Variants in CACNA2D3 observed in about 807,000 individuals in gnomAD.
CACNA2D3 encodes the protein voltage-dependent calcium channel subunit alpha-2/delta-3.
A neutral mutation model predicts 160.6 loss-of-function variants in CACNA2D3; 60 were observed. The ratio of observed to expected loss-of-function variants is 0.37; its 90% CI spans 0.30 to 0.46. The LOEUF (loss-of-function observed/expected upper bound fraction) is 0.46, where lower values mean the gene tolerates loss of function less well. CACNA2D3 is among the 20% of genes least tolerant of loss of function. The pLI is 1.00. For synonymous variants in CACNA2D3, 558 were observed against 492.9 expected, an observed-to-expected ratio of 1.13 and a Z score of -1.75; for missense variants, 1,205 against 1,365.0, an observed-to-expected ratio of 0.88 and a Z score of 1.85.
chr3:54,175,021 C>T (rs1700649452), intron 2 of CACNA2D3, among the ~76,000 whole-genome samples: 1 of 152,122 alleles, frequency 6.6e-6, no homozygotes, highest in South Asian at 2.1e-4. Context: ...GAGGCACGGC[C>T]AGCTCCATCT....
At chr3:54,564,053 G>T (rs1022289489) in intron 6 of CACNA2D3, among the ~76,000 whole-genome samples, 1 of 152,214 alleles carries the variant, frequency 6.6e-6, no homozygotes, top group Admixed American at 6.5e-5. Flanking sequence ...CCAAATTGCA[G>T]TCTGCCTTGA....
At chr3:54,758,238 A>G (rs1287547902) in intron 12 of CACNA2D3, among the ~76,000 whole-genome samples, 1 of 152,168 alleles carries the variant, frequency 6.6e-6, no homozygotes, top group Non-Finnish European at 1.5e-5. Flanking sequence ...CAGCATTCCT[A>G]TTTCCCCAGT....
At chr3:54,840,178 A>G (rs568587616) in intron 16 of CACNA2D3, among the ~76,000 whole-genome samples, 1 of 152,286 alleles carries the variant, frequency 6.6e-6, no homozygotes, top group South Asian at 2.1e-4. Flanking sequence ...ATACGTGTCC[A>G]ATAAATCAAG....
At chr3:54,335,714 T>C (rs985773273) in intron 3 of CACNA2D3, among the ~76,000 whole-genome samples, 4 of 152,036 alleles carry the variant, frequency 2.6e-5, no homozygotes, top group Non-Finnish European at 5.9e-5. Context: ...CTATTTAAGA[T>C]GGAGTTGCGG....
At chr3:54,842,941 G>A (rs1698852323) in intron 16 of CACNA2D3, among the ~76,000 whole-genome samples, 1 of 150,450 alleles carries the variant, frequency 6.6e-6, no homozygotes, top group South Asian at 2.1e-4. Context: ...GAAGGAAAGA[G>A]AACTACCTAG....
In CACNA2D3 at chr3:55,074,241, T is replaced by G; in HGVS notation, c.*35T>G. ...AGATGTTCTCTTACTGACTGAGATGTTCTCTTGGCATGCTAAATCATGGAT... is the reference window on the plus strand; with the variant it reads ...AGATGTTCTCTTACTGACTGAGATGGTCTCTTGGCATGCTAAATCATGGAT... On this transcript the variant is annotated 3_prime_UTR_variant, in exon 38 of 38. Coordinates refer to ENST00000474759, the MANE Select transcript of CACNA2D3 (RefSeq NM_018398.3). 3.9e-6 allele frequency: 5 copies of G among 1,289,948 alleles called. No homozygotes were observed. Among genetic ancestry groups the G allele is most frequent in the Non-Finnish European group, 5.6e-6 (5 of 899,942 alleles). The allele number at this position is 1,289,948 out of a possible 1,614,324, so 79.9% of individuals were successfully genotyped here.
intron 13 of CACNA2D3, among the ~76,000 whole-genome samples, chr3:54,781,193 A>G (rs1391423038): frequency 6.6e-6 from 1 of 152,230 alleles, no homozygotes; most frequent in East Asian, 1.9e-4. Flanking sequence ...GAATGCAGAG[A>G]CACAGCAAGG....
intron 5 of CACNA2D3, among the ~76,000 whole-genome samples, chr3:54,522,666 G>T (rs935725048): frequency 6.6e-6 from 1 of 152,146 alleles, no homozygotes; most frequent in African/African-American, 2.4e-5. Flanking sequence ...ATCATCTCAT[G>T]GCAGGAGGCT....
intron 4 of CACNA2D3, among the ~76,000 whole-genome samples, chr3:54,402,345 T>C (rs917247788): frequency 4.6e-5 from 7 of 152,008 alleles, no homozygotes; most frequent in East Asian, 1.9e-4. Flanking sequence ...AGTGGCTAAA[T>C]TGATTAAAAA....
chr3:54,960,899 A>G (rs1047164098), intron 27 of CACNA2D3, among the ~76,000 whole-genome samples: 2 of 152,232 alleles, frequency 1.3e-5, no homozygotes, highest in East Asian at 1.9e-4. Context: ...TTGGACACCA[A>G]CAGACCTCCG....
At chr3:54,412,168 A>G (rs1699678188) in intron 4 of CACNA2D3, among the ~76,000 whole-genome samples, 1 of 152,042 alleles carries the variant, frequency 6.6e-6, no homozygotes, top group Non-Finnish European at 1.5e-5. Flanking sequence ...GTGTTGGATG[A>G]ATTCTTTCTT....
intron 13 of CACNA2D3, among the ~76,000 whole-genome samples, chr3:54,812,229 C>A (rs1703336568): frequency 1.3e-5 from 2 of 152,144 alleles, no homozygotes; most frequent in African/African-American, 4.8e-5. Flanking sequence ...CTGCTTATAT[C>A]TTTAATAGAG....
At chr3:54,671,458 AT>A (rs1433153977) in intron 11 of CACNA2D3, among the ~76,000 whole-genome samples, 1 of 152,124 alleles carries the variant, frequency 6.6e-6, no homozygotes, top group Admixed American at 6.6e-5. Context: ...CTCTTCAGTA[AT>A]CACTTTGCTG....
intron 13 of CACNA2D3, among the ~76,000 whole-genome samples, chr3:54,766,920 ATTAC>A (rs1342339143): frequency 1.3e-5 from 2 of 150,752 alleles, no homozygotes; most frequent in Admixed American, 6.6e-5. Context: ...TAGATATGTA[ATTAC>A]TTACTTTACA....
At chr3:54,167,925 C>T (rs1296042811) in intron 2 of CACNA2D3, among the ~76,000 whole-genome samples, 7 of 152,262 alleles carry the variant, frequency 4.6e-5, no homozygotes, top group African/African-American at 7.2e-5. Flanking sequence ...TTCTTCTTTG[C>T]TTTTGCTTTT....
intron 3 of CACNA2D3, among the ~76,000 whole-genome samples, chr3:54,326,493 A>G (rs911041338): frequency 2.6e-5 from 4 of 152,250 alleles, no homozygotes; most frequent in Admixed American, 2.6e-4. Flanking sequence ...TATAGGGACT[A>G]TATGAATACT....
chr3:54,782,627 C>A (rs987249887), intron 13 of CACNA2D3, among the ~76,000 whole-genome samples: 3 of 151,942 alleles, frequency 2.0e-5, no homozygotes, highest in African/African-American at 4.8e-5. Flanking sequence ...TCACTCTTTG[C>A]GGTCAAGGCC....
intron 16 of CACNA2D3, among the ~76,000 whole-genome samples, chr3:54,843,038 T>C (rs556927505): frequency 6.7e-6 from 1 of 148,688 alleles, no homozygotes; most frequent in Non-Finnish European, 1.5e-5. Context: ...AGTGCAGTGG[T>C]GCAACTTCCA....
At chr3:54,274,239 G>A (rs1396027802) in intron 2 of CACNA2D3, among the ~76,000 whole-genome samples, 3 of 137,666 alleles carry the variant, frequency 2.2e-5, no homozygotes, top group Non-Finnish European at 4.9e-5. Flanking sequence ...TAAGAAATAC[G>A]GAAATGTATA....
Sources: allele counts gnomAD v4.1 joint callset (sites outside exome capture counted in the v4.1 genomes callset), GRCh38; gene constraint gnomAD v4.1.1; transcripts MANE v1.5; gene names NCBI Gene and HGNC (gene_info 2026-07-23, HGNC 2026-07-21).